The following SEMA5B variants were observed in gnomAD, a reference collection of about 807,000 sequenced individuals.
The protein encoded by SEMA5B is semaphorin-5B.
SEMA5B carries 66 observed loss-of-function variants against 135.0 expected under a neutral mutation model. That is an observed-to-expected ratio of 0.49 (90% CI 0.40 to 0.60). The LOEUF is 0.60. SEMA5B is among the 20% of genes least tolerant of loss of function. The probability of loss-of-function intolerance (pLI) is 0.00; values close to 1 mark genes in which losing one functional copy is unlikely to be tolerated. For missense variants in SEMA5B, 1,501 were observed against 1,566.3 expected (o/e 0.96, Z 0.70); for synonymous variants, 690 against 639.5 (o/e 1.08, Z -1.19).
rs58936315 is a variant in SEMA5B at position 122,926,353 on chromosome 3, G to A, written c.1136+39C>T. 5,016 of 1,579,132 alleles carry A rather than the reference G, an allele frequency of 3.2e-3. 141 individuals are homozygous for A. The African/African-American group carries it at 0.061, about 19-fold the overall frequency. ...AGGCCATGAGGCCAGGCCAGCTCCT[G>A]ACATCACAGGCAAGGGGCTGGCAGA... On this transcript the variant is annotated intron_variant, in intron 9 of 22. Coordinates refer to ENST00000357599, the MANE Select transcript of SEMA5B (RefSeq NM_001031702.4).
chr3:122,973,429 C>T (rs759522003), intron 1 of SEMA5B, among the ~76,000 whole-genome samples: 18 of 152,054 alleles, frequency 1.2e-4, no homozygotes, highest in Non-Finnish European at 2.1e-4. Flanking sequence ...TCCAGCCTGG[C>T]GGGCAGTGGA....
In SEMA5B at chr3:122,981,398, G is replaced by T. The variant is rs151225572; in HGVS notation, c.-38-20097C>A. 2.1e-3 allele frequency among the ~76,000 whole-genome samples: 313 copies of T among 152,372 alleles called. 1 individual carries two copies. Among genetic ancestry groups the T allele is most frequent in the African/African-American group, 7.2e-3 (300 of 41,596 alleles). Reference sequence around the variant, plus strand: ...TCCACAAGGGAAAGACGTGACCCCAGCCTTGGTTCATGTGTGGCCAGGCGA... The same window carrying T: ...TCCACAAGGGAAAGACGTGACCCCATCCTTGGTTCATGTGTGGCCAGGCGA... On this transcript the variant is annotated intron_variant, in intron 1 of 22. Transcript: ENST00000357599.
At chr3:122,968,290 T>C (rs1427276319) in intron 1 of SEMA5B, among the ~76,000 whole-genome samples, 1 of 152,206 alleles carries the variant, frequency 6.6e-6, no homozygotes, top group African/African-American at 2.4e-5. Flanking sequence ...CTCATTATAA[T>C]TGCGATAATT....
chr3:122,964,836 G>A (rs575205036), intron 1 of SEMA5B, among the ~76,000 whole-genome samples: 1 of 152,358 alleles, frequency 6.6e-6, no homozygotes, highest in East Asian at 1.9e-4. Context: ...CAGGGTGACA[G>A]AGCCATTAAT....
At chr3:122,959,299 C>T (rs1940474506) in intron 2 of SEMA5B, among the ~76,000 whole-genome samples, 1 of 152,166 alleles carries the variant, frequency 6.6e-6, no homozygotes, top group South Asian at 2.1e-4. Context: ...TTAAAAGTAA[C>T]TTGCATGAGG....
intron 1 of SEMA5B, among the ~76,000 whole-genome samples, chr3:122,994,506 G>A (rs1941977131): frequency 1.3e-5 from 2 of 152,228 alleles, no homozygotes; most frequent in African/African-American, 2.4e-5. Context: ...CATGATGGGT[G>A]TGTGCTGATG....
chr3:122,968,601 T>C (rs1330622718), intron 1 of SEMA5B, among the ~76,000 whole-genome samples: 1 of 152,078 alleles, frequency 6.6e-6, no homozygotes, highest in African/African-American at 2.4e-5. Flanking sequence ...CCAGTAGAAA[T>C]GAAAGGGCAG....
rs189328900 is a variant in SEMA5B at position 122,996,738 on chromosome 3, C to T, written c.-39+30726G>A. ...AGTTTAAGTCTGACAGAAATTGGGA[C>T]GTTCCGTGAGACCCCAAAGCCCAAG... On this transcript the variant is annotated intron_variant, in intron 1 of 22. Coordinates refer to ENST00000357599, the MANE Select transcript of SEMA5B (RefSeq NM_001031702.4). 7.4e-4 allele frequency among the ~76,000 whole-genome samples: 112 copies of T among 152,354 alleles called. No individual in the cohort carries two copies. The East Asian group carries it at 0.015, about 20-fold the overall frequency.
intron 1 of SEMA5B, among the ~76,000 whole-genome samples, chr3:123,015,602 T>C (rs149459851): frequency 1.2e-4 from 18 of 152,268 alleles, no homozygotes; most frequent in African/African-American, 3.6e-4. Context: ...TTTGAAGAAC[T>C]GTGGCATGGA....
chr3:122,961,036 C>T, intron 2 of SEMA5B, 104 bp downstream of exon 2: 1 of 1,231,408 alleles, frequency 8.1e-7, no homozygotes, highest in Non-Finnish European at 1.1e-6. Flanking sequence ...GACTGAGGTC[C>T]TAGGAGGTAT....
rs115583988 is a variant in SEMA5B, at chr3:122,943,588, C to A, written c.329-53G>T. ...TTACTGTTGGGCCAGAGGCTCCCAG[C>A]TGCATCGCAGCAGACCACAGAACAG... On this transcript the variant is annotated intron_variant, in intron 3 of 22. Transcript: ENST00000357599. The A allele has an allele frequency of 1.0e-3, 1,333 of 1,323,128 alleles. 10 individuals are homozygous for A. In the African/African-American group the frequency reaches 0.016, roughly 16 times the overall value. 82.0% of individuals were successfully genotyped at this position (1,323,128 alleles called of 1,614,324 possible).
chr3:122,940,821 A>G (rs1172413944), intron 4 of SEMA5B, among the ~76,000 whole-genome samples: 1 of 152,180 alleles, frequency 6.6e-6, no homozygotes, highest in Non-Finnish European at 1.5e-5. Flanking sequence ...CCAAGTCCTT[A>G]GCAGAGCTCT....
At chr3:122,919,060 C>A (rs1938219666) in intron 12 of SEMA5B, among the ~76,000 whole-genome samples, 1 of 131,294 alleles carries the variant, frequency 7.6e-6, no homozygotes, top group African/African-American at 2.9e-5. Context: ...GGAACAGGTT[C>A]ATTCCATGGG....
At chr3:122,957,268 G>A (rs1940367012) in intron 2 of SEMA5B, among the ~76,000 whole-genome samples, 1 of 152,248 alleles carries the variant, frequency 6.6e-6, no homozygotes, top group Non-Finnish European at 1.5e-5. Context: ...CCATTTGTCA[G>A]CAGGGCAACT....
In SEMA5B at chr3:122,997,523, C is replaced by CA. The variant is rs796126034; in HGVS notation, c.-39+29940_-39+29941insT. Among the ~76,000 whole-genome samples, 66 of 151,968 alleles carry CA rather than the reference C, an allele frequency of 4.3e-4. 1 individual carries two copies. Among genetic ancestry groups the CA allele is most frequent in the African/African-American group, 1.6e-3 (65 of 41,422 alleles). On this transcript the variant is annotated intron_variant, in intron 1 of 22. Transcript: ENST00000357599. Reference sequence around the variant, plus strand: ...CTGGCTGGTCCCCAGGCCTCTCCCCCCCCCGTCTCCACCAGGGCATGTTGG... The same window carrying CA: ...CTGGCTGGTCCCCAGGCCTCTCCCCCACCCCGTCTCCACCAGGGCATGTTGG...
chr3:122,939,404 A>C, intron 5 of SEMA5B, 21 bp downstream of exon 5: 1 of 1,590,878 alleles, frequency 6.3e-7, no homozygotes, highest in Non-Finnish European at 8.6e-7. Flanking sequence ...ATAGGAAGGG[A>C]AGGGAAGAAA....
At chr3:122,911,121 A>G in intron 21 of SEMA5B, 76 bp from the exon 22 acceptor site, 1 of 1,304,244 alleles carries the variant, frequency 7.7e-7, no homozygotes, top group South Asian at 1.4e-5. Context: ...CCCTGGGAGC[A>G]GAAACAGCAA....
rs1341058901 is a variant in SEMA5B at position 122,961,268 on chromosome 3, G to A, written c.-5C>T. 5 of 1,614,058 alleles carry A rather than the reference G, an allele frequency of 3.1e-6. 1 individual carries two copies. The highest frequency in any genetic ancestry group is 4.2e-6 in the Non-Finnish European group (5 of 1,179,962). ...CGGACTGAAGCCACAGGGCATCCAAGAGACACAGGCCAGGCACCAGCTGGA... is the reference window on the plus strand; with the variant it reads ...CGGACTGAAGCCACAGGGCATCCAAAAGACACAGGCCAGGCACCAGCTGGA... On this transcript the variant is annotated 5_prime_UTR_variant, in exon 2 of 23. Coordinates refer to ENST00000357599, the MANE Select transcript of SEMA5B (RefSeq NM_001031702.4).
At chr3:123,009,895 C>T (rs1325638430) in intron 1 of SEMA5B, among the ~76,000 whole-genome samples, 1 of 152,186 alleles carries the variant, frequency 6.6e-6, no homozygotes, top group Non-Finnish European at 1.5e-5. Context: ...GACACAAAGA[C>T]AAATGCTGCT....
Sources: allele counts gnomAD v4.1 joint callset (sites outside exome capture counted in the v4.1 genomes callset), GRCh38; gene constraint gnomAD v4.1.1; transcripts MANE v1.5; gene names NCBI Gene and HGNC (gene_info 2026-07-23, HGNC 2026-07-21).